SLC7A14: variants seen among roughly 807,000 people sequenced by gnomAD.
The protein encoded by SLC7A14 is solute carrier family 7 member 14.
In SLC7A14, 37 loss-of-function variants were observed where a neutral mutation model predicts 60.2. The observed-to-expected ratio is 0.61, with a 90% CI of 0.47 to 0.81. The LOEUF (loss-of-function observed/expected upper bound fraction) is 0.81. Ranked by LOEUF, SLC7A14 falls within the 30% of genes least tolerant of loss-of-function variation. The pLI, the probability that SLC7A14 is intolerant of heterozygous loss-of-function variation, is 0.00. For missense variants in SLC7A14, 886 were observed against 982.7 expected, an observed-to-expected ratio of 0.90 and a Z score of 1.32; for synonymous variants, 399 against 395.8, an observed-to-expected ratio of 1.01 and a Z score of -0.10.
intron 1 of SLC7A14, among the ~76,000 whole-genome samples, chr3:170,563,777 C>T (rs1197478410): frequency 1.3e-5 from 2 of 152,148 alleles, no homozygotes; most frequent in African/African-American, 4.8e-5. Context: ...AACAGAGTAT[C>T]CCATTTTCAC....
chr3:170,550,244 A>C (rs891404865), intron 1 of SLC7A14, among the ~76,000 whole-genome samples: 1 of 152,224 alleles, frequency 6.6e-6, no homozygotes, highest in East Asian at 1.9e-4. Flanking sequence ...AATATAGTGC[A>C]CTTACTATAA....
chr3:170,554,521 C>A (rs1304073174), intron 1 of SLC7A14, among the ~76,000 whole-genome samples: 1 of 152,196 alleles, frequency 6.6e-6, no homozygotes, highest in African/African-American at 2.4e-5. Context: ...CCACAAAGAG[C>A]CAGCACTAGG....
chr3:170,474,760 A>C (rs557502005), intron 7 of SLC7A14, among the ~76,000 whole-genome samples: 39 of 152,204 alleles, frequency 2.6e-4, no homozygotes, highest in African/African-American at 9.2e-4. Flanking sequence ...GGATATTTCT[A>C]TTTTGAGATA....
chr3:170,564,546 GT>G (rs1338819389), intron 1 of SLC7A14, among the ~76,000 whole-genome samples: 2 of 152,198 alleles, frequency 1.3e-5, no homozygotes, highest in Non-Finnish European at 2.9e-5. Context: ...TGAAGTTTAT[GT>G]TTTAGCAGTT....
rs563260844 is a variant in SLC7A14 at position 170,527,105 on chromosome 3, A to G, written c.-152-17T>C. On this transcript the variant is annotated splice_polypyrimidine_tract_variant and intron_variant, in intron 1 of 7. Transcript: ENST00000231706. The stretch of plus-strand genomic sequence containing the variant: ...CATGAATGTCTGCAGGAAAAACACA[A>G]GAAAGCAGAAGATGAGACCGAGTGA... 13 of 679,256 alleles carry G rather than the reference A, an allele frequency of 1.9e-5. No individual in the cohort carries two copies. The highest frequency in any genetic ancestry group is 1.8e-4 in the African/African-American group (10 of 55,490). 42.1% of individuals were successfully genotyped at this position (679,256 alleles called of 1,614,324 possible).
intron 7 of SLC7A14, among the ~76,000 whole-genome samples, chr3:170,479,948 A>G (rs1386645314): frequency 1.3e-5 from 2 of 152,178 alleles, no homozygotes; most frequent in Non-Finnish European, 2.9e-5. Context: ...AAATGCCCTG[A>G]CCCCAATTAT....
intron 2 of SLC7A14, among the ~76,000 whole-genome samples, chr3:170,501,635 T>C (rs1297513598): frequency 6.6e-6 from 1 of 152,206 alleles, no homozygotes; most frequent in Non-Finnish European, 1.5e-5. Flanking sequence ...ATCATGCTCC[T>C]TAGGTGTCAG....
At chr3:170,489,901 C>T (rs981962499) in intron 4 of SLC7A14, among the ~76,000 whole-genome samples, 3 of 150,492 alleles carry the variant, frequency 2.0e-5, no homozygotes, top group Non-Finnish European at 4.4e-5. Flanking sequence ...AACAATTGAA[C>T]TCATGGACAC....
intron 1 of SLC7A14, among the ~76,000 whole-genome samples, chr3:170,573,367 C>T (rs998739597): frequency 6.6e-6 from 1 of 152,238 alleles, no homozygotes; most frequent in African/African-American, 2.4e-5. Context: ...CCATGATTCT[C>T]ACCATCTGTA....
chr3:170,552,420 C>A (rs148748743), intron 1 of SLC7A14, among the ~76,000 whole-genome samples: 71 of 152,236 alleles, frequency 4.7e-4, no homozygotes, highest in Middle Eastern at 3.4e-3. Flanking sequence ...ATCTTTATAG[C>A]ACATATAAAA....
intron 6 of SLC7A14, among the ~76,000 whole-genome samples, chr3:170,482,316 A>G (rs1204482351): frequency 6.6e-6 from 1 of 152,156 alleles, no homozygotes; most frequent in Non-Finnish European, 1.5e-5. Context: ...TGAAGTTCCC[A>G]CGCCTCCATC....
chr3:170,476,230 A>C (rs1405485303), intron 7 of SLC7A14, among the ~76,000 whole-genome samples: 1 of 152,226 alleles, frequency 6.6e-6, no homozygotes, highest in African/African-American at 2.4e-5. Flanking sequence ...GAAGCAACCC[A>C]GGGTGATACT....
chr3:170,571,058 A>G lies in SLC7A14; in HGVS notation c.-153+14853T>C, dbSNP rs551140802. Among the ~76,000 whole-genome samples, 5 of 152,306 alleles carry G rather than the reference A, an allele frequency of 3.3e-5. No homozygotes were observed. In the South Asian group the frequency reaches 1.0e-3, roughly 32 times the overall value. ...ACATTTCCTTAATATACTCCAGTCC[A>G]TCATCCAGATTAAACTTTAGAACTC... On this transcript the variant is annotated intron_variant, in intron 1 of 7. Coordinates refer to ENST00000231706, the MANE Select transcript of SLC7A14 (RefSeq NM_020949.3).
intron 7 of SLC7A14, among the ~76,000 whole-genome samples, chr3:170,476,084 A>G (rs147866191): frequency 1.2e-3 from 189 of 152,312 alleles, no homozygotes; most frequent in South Asian, 1.0e-3. Context: ...ATTGAGGACC[A>G]TTGATCTAGA....
At position 170,585,636 on chromosome 3, in the gene SLC7A14, C is replaced by G. The variant is rs974696799; in HGVS notation, c.-153+275G>C. On this transcript the variant is annotated intron_variant, in intron 1 of 7. Transcript: ENST00000231706. This position sits in a 1 kb window ranked among gnomAD's most constrained non-coding sequence, Gnocchi z 5.1. Reference sequence around the variant, plus strand: ...CCCCCGCCCCGCCCGGCAGCTCCCGCGAGTCAGAGCCCGGTGCCCCCAGAC... The same window carrying G: ...CCCCCGCCCCGCCCGGCAGCTCCCGGGAGTCAGAGCCCGGTGCCCCCAGAC... 6.6e-6 allele frequency among the ~76,000 whole-genome samples: 1 copy of G among 152,148 alleles called. No individual in the cohort carries two copies. The highest frequency in any genetic ancestry group is 2.1e-4 in the South Asian group (1 of 4,834).
chr3:170,484,080 A>G (rs1711939676), intron 5 of SLC7A14, among the ~76,000 whole-genome samples: 1 of 152,140 alleles, frequency 6.6e-6, no homozygotes, highest in Admixed American at 6.5e-5. Flanking sequence ...TCATATTTCT[A>G]TTTCCTTTCT....
At chr3:170,494,097 A>G (rs1044267566) in intron 4 of SLC7A14, among the ~76,000 whole-genome samples, 5 of 152,224 alleles carry the variant, frequency 3.3e-5, no homozygotes, top group African/African-American at 9.6e-5. Flanking sequence ...CCCAGGTGGC[A>G]GTGGGGTAAA....
rs985625746 is a variant in SLC7A14 at position 170,543,086 on chromosome 3, G to A, written c.-152-15998C>T. On this transcript the variant is annotated intron_variant, in intron 1 of 7. Coordinates refer to ENST00000231706, the MANE Select transcript of SLC7A14 (RefSeq NM_020949.3). ...GGCTAGATGGTTTATAAACTTTCAG[G>A]TCTATCTGGACTGTTGGGTCATCTT... is the stretch of plus-strand genomic sequence containing the variant. Among the ~76,000 whole-genome samples, 4 of 152,264 alleles carry A rather than the reference G, an allele frequency of 2.6e-5. No individual in the cohort carries two copies. The East Asian group carries it at 5.8e-4, about 22-fold the overall frequency.
At chr3:170,537,775 G>T (rs994213392) in intron 1 of SLC7A14, among the ~76,000 whole-genome samples, 4 of 151,980 alleles carry the variant, frequency 2.6e-5, no homozygotes. Context: ...CCACACCCAA[G>T]TGATGGCAGG....
Sources: allele counts gnomAD v4.1 joint callset (sites outside exome capture counted in the v4.1 genomes callset), GRCh38; gene constraint gnomAD v4.1.1; non-coding constraint Gnocchi (gnomAD v3.1); transcripts MANE v1.5; gene names NCBI Gene and HGNC (gene_info 2026-07-23, HGNC 2026-07-21).